Variants in CSMD1 observed in about 807,000 individuals in gnomAD.
CSMD1 encodes CUB and sushi domain-containing protein 1.
CSMD1 carries 213 observed loss-of-function variants against 417.5 expected under a neutral mutation model. The ratio of observed to expected loss-of-function variants is 0.51; its 90% CI spans 0.46 to 0.57. The LOEUF (loss-of-function observed/expected upper bound fraction) is 0.57, where lower values mean the gene tolerates loss of function less well. Among genes scored for constraint, CSMD1 ranks in the 20% least tolerant of loss-of-function variants. CSMD1 has a pLI of 0.00. For synonymous variants in CSMD1, 2,862 were observed against 1,736.8 expected (o/e 1.65, Z -16.11); for missense variants, 6,923 against 4,529.7 (o/e 1.53, Z -15.17).
At chr8:4,148,842 G>A (rs4875087) in intron 3 of CSMD1, among the ~76,000 whole-genome samples, 2 of 152,062 alleles carry the variant, frequency 1.3e-5, no homozygotes, top group Non-Finnish European at 2.9e-5. Flanking sequence ...CCTTTGGCTT[G>A]TGTCCTGGGA....
intron 5 of CSMD1, among the ~76,000 whole-genome samples, chr8:3,870,237 G>C (rs1199756917): frequency 1.3e-5 from 2 of 152,106 alleles, no homozygotes; most frequent in South Asian, 2.1e-4. Context: ...AAAATTAATA[G>C]TACACTGAAA....
At chr8:3,483,011 G>C (rs933923505) in intron 11 of CSMD1, among the ~76,000 whole-genome samples, 1 of 152,016 alleles carries the variant, frequency 6.6e-6, no homozygotes, top group African/African-American at 2.4e-5. Flanking sequence ...AACAGTAAAT[G>C]ACTACATTAG....
At chr8:4,361,928 G>C (rs1245623170) in intron 3 of CSMD1, among the ~76,000 whole-genome samples, 1 of 151,876 alleles carries the variant, frequency 6.6e-6, no homozygotes, top group African/African-American at 2.4e-5. Context: ...GCACGCCAAG[G>C]CCCTCCAGCC....
intron 3 of CSMD1, among the ~76,000 whole-genome samples, chr8:4,318,132 A>T (rs1218793400): frequency 6.6e-6 from 1 of 152,132 alleles, no homozygotes; most frequent in Non-Finnish European, 1.5e-5. Context: ...ATGCAACTAC[A>T]TTGTTATTTA....
At chr8:4,761,900 T>TATCA (rs1554472634) in intron 1 of CSMD1, among the ~76,000 whole-genome samples, 2,323 of 96,030 alleles carry the variant, frequency 0.024, 43 homozygotes, top group African/African-American at 0.035. Context: ...CCTACCTATC[T>TATCA]ATCTATCTAT....
At position 3,416,474 on chromosome 8, in the gene CSMD1, C is replaced by T. The variant is rs550722408; in HGVS notation, c.1562-6869G>A. ...GATGGATTTTTAAACATCCAATTTC[C>T]ACATAAGAATGTATTCGGTGTATAC... On this transcript the variant is annotated intron_variant, in intron 12 of 69. Coordinates refer to ENST00000635120, the MANE Select transcript of CSMD1 (RefSeq NM_033225.6). Among the ~76,000 whole-genome samples, 7 of 152,080 alleles carry T rather than the reference C, an allele frequency of 4.6e-5. No homozygotes were observed. In the South Asian group the frequency reaches 1.5e-3, roughly 32 times the overall value.
intron 1 of CSMD1, among the ~76,000 whole-genome samples, chr8:4,971,745 C>T (rs1263460785): frequency 2.0e-5 from 3 of 151,222 alleles, no homozygotes; most frequent in Admixed American, 6.6e-5. Context: ...ATAAATATTA[C>T]CAACTTTTAT....
intron 49 of CSMD1, among the ~76,000 whole-genome samples, chr8:3,060,813 T>C (rs2128993509): frequency 1.3e-5 from 2 of 152,292 alleles, no homozygotes; most frequent in East Asian, 3.9e-4. Context: ...TGGGATTAGG[T>C]GTCCCTATAA....
At chr8:3,311,121 T>A (rs1805311320) in intron 23 of CSMD1, among the ~76,000 whole-genome samples, 1 of 152,270 alleles carries the variant, frequency 6.6e-6, no homozygotes, top group South Asian at 2.1e-4. Flanking sequence ...TGTCTTAAAT[T>A]CACCTAGCTT....
At chr8:3,302,018 A>T (rs1804448321) in intron 25 of CSMD1, among the ~76,000 whole-genome samples, 1 of 152,052 alleles carries the variant, frequency 6.6e-6, no homozygotes, top group East Asian at 1.9e-4. Context: ...TCCTATTTTC[A>T]TTGTTTTAGG....
intron 1 of CSMD1, among the ~76,000 whole-genome samples, chr8:4,951,599 C>T (rs1010522145): frequency 2.7e-5 from 4 of 150,304 alleles, no homozygotes; most frequent in African/African-American, 9.8e-5. Flanking sequence ...AAAAGAAAAA[C>T]CTGCGGGGTT....
chr8:4,875,653 T>C (rs1803000051), intron 1 of CSMD1, among the ~76,000 whole-genome samples: 1 of 152,032 alleles, frequency 6.6e-6, no homozygotes, highest in Admixed American at 6.6e-5. Context: ...GAAGAGAAAT[T>C]ACAACAAATC....
chr8:4,033,358 C>G (rs528878432), intron 3 of CSMD1, among the ~76,000 whole-genome samples: 2 of 152,024 alleles, frequency 1.3e-5, no homozygotes, highest in Non-Finnish European at 2.9e-5. Flanking sequence ...AGGAGAATGG[C>G]GTGAACCCGG....
At chr8:4,433,636 T>TC (rs1385392994) in intron 2 of CSMD1, among the ~76,000 whole-genome samples, 7 of 152,288 alleles carry the variant, frequency 4.6e-5, no homozygotes, top group Non-Finnish European at 8.8e-5. Flanking sequence ...TTCTTTATGC[T>TC]CAAATCTGCC....
intron 1 of CSMD1, among the ~76,000 whole-genome samples, chr8:4,678,409 T>TCAA (rs1300750371): frequency 6.6e-6 from 1 of 150,918 alleles, no homozygotes; most frequent in East Asian, 1.9e-4. Flanking sequence ...AGACTCTGTC[T>TCAA]CAACAACAAA....
chr8:3,716,588 T>A (rs1383527275), intron 6 of CSMD1, among the ~76,000 whole-genome samples: 3 of 152,150 alleles, frequency 2.0e-5, no homozygotes, highest in Non-Finnish European at 2.9e-5. Flanking sequence ...TGCGCCGGCT[T>A]CTTTACTGCA....
At chr8:4,252,616 C>A (rs865875310) in intron 3 of CSMD1, among the ~76,000 whole-genome samples, 2 of 152,172 alleles carry the variant, frequency 1.3e-5, no homozygotes, top group Admixed American at 6.5e-5. Context: ...CATTATAGAA[C>A]CCAAATATAG....
chr8:4,979,970 G>A lies in CSMD1; in HGVS notation c.85+14362C>T, dbSNP rs543647904. Among the ~76,000 whole-genome samples, 14 of 152,256 alleles carry A rather than the reference G, an allele frequency of 9.2e-5. No individual in the cohort carries two copies. In the East Asian group the frequency reaches 9.7e-4, roughly 11 times the overall value. On this transcript the variant is annotated intron_variant, in intron 1 of 69. Transcript: ENST00000635120. ...GGAGAATGGTGTGAACCTGGGAGGC[G>A]CAGCTTGCAGTGAGCCAAGATAGTG...
At position 3,370,027 on chromosome 8, in the gene CSMD1, A is replaced by T. The variant is rs369576554; in HGVS notation, c.2783-657T>A. Among the ~76,000 whole-genome samples the T allele has an allele frequency of 4.8e-4, 73 of 152,290 alleles. 2 individuals are homozygous for T. The South Asian group carries it at 0.015, about 31-fold the overall frequency. On this transcript the variant is annotated intron_variant, in intron 18 of 69. Coordinates refer to ENST00000635120, the MANE Select transcript of CSMD1 (RefSeq NM_033225.6). ...GCAATGATTGCCATTGTAGAACACA[A>T]TTTACAGTGTGTAGTAGCTACTAAA...
Sources: allele counts gnomAD v4.1 joint callset (sites outside exome capture counted in the v4.1 genomes callset), GRCh38; gene constraint gnomAD v4.1.1; transcripts MANE v1.5; gene names NCBI Gene and HGNC (gene_info 2026-07-23, HGNC 2026-07-21).